KNL1: variants seen among roughly 807,000 people sequenced by gnomAD.
The protein encoded by KNL1 is outer kinetochore KNL1 complex subunit KNL1.
KNL1 carries 66 observed loss-of-function variants against 201.3 expected under a neutral mutation model. The ratio of observed to expected loss-of-function variants is 0.33; its 90% CI spans 0.27 to 0.40. KNL1 has a LOEUF of 0.40. Among genes scored for constraint, KNL1 ranks in the 10% least tolerant of loss-of-function variants. KNL1 has a pLI of 1.00. For missense variants in KNL1, 2,815 were observed against 2,690.5 expected, an observed-to-expected ratio of 1.05 and a Z score of -1.02; for synonymous variants, 895 against 899.2, an observed-to-expected ratio of 1.00 and a Z score of 0.08.
At chr15:40,606,833 C>T (rs1891991821) in intron 4 of KNL1, among the ~76,000 whole-genome samples, 1 of 152,146 alleles carries the variant, frequency 6.6e-6, no homozygotes, top group African/African-American at 2.4e-5. Flanking sequence ...GATCATGGCT[C>T]ACTGCAACCT....
At position 40,622,918 on chromosome 15, in the gene KNL1, G is replaced by A; in HGVS notation, c.2654G>A (p.Arg885Lys). ...TKSYTIEINH[R>K]PLLEKRDCHL... Reference sequence around the variant, plus strand: ...AGTTATACAATAGAAATAAACCATAGACCTTTATTAGAGAAACGTGATTGT... The same window carrying A: ...AGTTATACAATAGAAATAAACCATAAACCTTTATTAGAGAAACGTGATTGT... The change falls in exon 10 of 26, where the codon AGA (arginine) becomes AAA (lysine). Residue 885 changes from arginine (R) to lysine (K), a missense_variant. Coordinates refer to ENST00000399668, the MANE Select transcript of KNL1 (RefSeq NM_144508.5). The A allele has an allele frequency of 6.2e-7, 1 of 1,612,724 alleles. No individual in the cohort carries two copies. Among genetic ancestry groups the A allele is most frequent in the South Asian group, 1.1e-5 (1 of 90,982 alleles).
At chr15:40,660,317 G>GA (rs893720800) in intron 25 of KNL1, among the ~76,000 whole-genome samples, 1 of 151,966 alleles carries the variant, frequency 6.6e-6, no homozygotes, top group African/African-American at 2.4e-5. Flanking sequence ...AATCAAGAAG[G>GA]AAAAAACTCA....
Position 40,623,461 on chromosome 15 carries a change from A to T in KNL1, c.3197A>T (p.Lys1066Ile). ...CTATCAAGCAAAAGTCAGAGAAGAA[A>T]AAGCCTTAAGCTAAAAAATGACAAG... Reference protein sequence around the residue: ...EPLSSKSQRRKSLKLKNDKTI... With the variant: ...EPLSSKSQRRISLKLKNDKTI... Residue 1066 changes from lysine (K) to isoleucine (I), a missense_variant, in exon 10 of 26, where the codon AAA becomes ATA. Lys to Ile is a moderately radical substitution (Grantham distance 102, BLOSUM62 -3). Transcript: ENST00000399668. 1 of 1,611,558 alleles carries T rather than the reference A, an allele frequency of 6.2e-7. No homozygotes were observed. Among genetic ancestry groups the T allele is most frequent in the South Asian group, 1.1e-5 (1 of 90,826 alleles).
At chr15:40,618,241 C>CA (rs1892407755) in intron 8 of KNL1, among the ~76,000 whole-genome samples, 1 of 151,874 alleles carries the variant, frequency 6.6e-6, no homozygotes, top group Admixed American at 6.6e-5. Flanking sequence ...CCTAACATGA[C>CA]CTCTTGCGTT....
At chr15:40,659,893 TA>T (rs869208922) in intron 25 of KNL1, among the ~76,000 whole-genome samples, 1 of 59,582 alleles carries the variant, frequency 1.7e-5, no homozygotes, top group Non-Finnish European at 4.2e-5. Flanking sequence ...TTGAAGAATT[TA>T]TGTGTGTGTG....
In KNL1 at chr15:40,622,358, C is replaced by T. The variant is rs763785280; in HGVS notation, c.2094C>T (p.Thr698=). The T allele has an allele frequency of 6.2e-7, 1 of 1,613,696 alleles. No individual in the cohort carries two copies. The highest frequency in any genetic ancestry group is 8.5e-7 in the Non-Finnish European group (1 of 1,179,788). Residue 698 remains threonine, a synonymous_variant, in exon 10 of 26, where the codon ACC becomes ACT. Transcript: ENST00000399668. ...TVSWEQSLFS[T]TKPLFSSGQF... is the part of the protein sequence containing the mutation. ...CATGGGAACAATCTTTGTTTTCTAC[C>T]ACAAAGCCATTATTTTCATCAGGAC...
Position 40,623,147 on chromosome 15 carries a change from C to A in KNL1, c.2883C>A (p.Phe961Leu). 1 of 1,613,814 alleles carries A rather than the reference C, an allele frequency of 6.2e-7. No homozygotes were observed. The highest frequency in any genetic ancestry group is 1.6e-4 in the Middle Eastern group (1 of 6,062). Residue 961 changes from phenylalanine to leucine, a missense_variant, in exon 10 of 26, where the codon TTC (phenylalanine) becomes TTA (leucine). Transcript: ENST00000399668. ...ELEMTESHTV[F>L]IDYQEKERTD... is the part of the protein sequence containing the mutation. ...AAATGACAGAGTCCCATACTGTTTT[C>A]ATTGACTACCAAGAAAAGGAAAGAA...
intron 14 of KNL1, among the ~76,000 whole-genome samples, chr15:40,643,653 A>G (rs1381969864): frequency 6.6e-6 from 1 of 152,208 alleles, no homozygotes; most frequent in African/African-American, 2.4e-5. Flanking sequence ...CTCCGTCTCA[A>G]AAAAATAAAA....
At chr15:40,609,092 A>G (rs1342787137) in intron 5 of KNL1, among the ~76,000 whole-genome samples, 184 bp downstream of exon 5, 3 of 152,092 alleles carry the variant, frequency 2.0e-5, no homozygotes, top group Admixed American at 2.0e-4. Context: ...GAACAAAACA[A>G]TGATATCCAA....
chr15:40,613,337 C>A (rs1892234179), intron 7 of KNL1, among the ~76,000 whole-genome samples: 1 of 152,070 alleles, frequency 6.6e-6, no homozygotes, highest in Non-Finnish European at 1.5e-5. Flanking sequence ...TGCATAATAT[C>A]TCTGGAAGAA....
chr15:40,646,916 G>T, intron 16 of KNL1, 71 bp from the exon 17 acceptor site: 4 of 630,786 alleles, frequency 6.3e-6, no homozygotes, highest in Non-Finnish European at 1.2e-5. Flanking sequence ...GCGATTATGT[G>T]AGCAGTTTGA....
Position 40,645,603 on chromosome 15 carries a change from C to T in KNL1, c.5890-53C>T, listed in dbSNP as rs542196909. The T allele has an allele frequency of 3.9e-5, 37 of 939,104 alleles. No homozygotes were observed. In the South Asian group the frequency reaches 5.5e-4, roughly 14 times the overall value. 58.2% of individuals were successfully genotyped at this position (939,104 alleles called of 1,614,324 possible). A position where few individuals can be genotyped will look rare whatever the true frequency, so the allele number is the denominator to read the frequency against. ...AGCCTAGCCTTCCTAGACCATTTAC[C>T]TCTTCTGACTCGTTTGTTTTAGTAC... On this transcript the variant is annotated intron_variant, in intron 15 of 25. Coordinates refer to ENST00000399668, the MANE Select transcript of KNL1 (RefSeq NM_144508.5).
chr15:40,639,966 G>T (rs1161810051), intron 13 of KNL1, among the ~76,000 whole-genome samples: 2 of 152,136 alleles, frequency 1.3e-5, no homozygotes, highest in Non-Finnish European at 2.9e-5. Flanking sequence ...CTAGCTACTG[G>T]AGAGGATGAG....
rs372232860 is a variant in KNL1, at chr15:40,623,250, A to T, written c.2986A>T (p.Ser996Cys). 1.5e-5 allele frequency: 24 copies of T among 1,613,770 alleles called. No individual in the cohort carries two copies. The highest frequency in any genetic ancestry group is 1.7e-6 in the Non-Finnish European group (2 of 1,179,854). The change falls in exon 10 of 26, where the codon AGT (serine) becomes TGT (cysteine). Residue 996 changes from serine (S) to cysteine (C), a missense_variant. Ser to Cys is a moderately radical substitution (Grantham distance 112). This residue lies in a region of KNL1 where 2,464 missense variants were observed against 2,291.7 expected (regional missense o/e 1.08). Transcript: ENST00000399668. Reference sequence around the variant, plus strand: ...AGTGATATGTACTCCTACTGAGGAGAGTGTTTTCTTTCCAGGAAATGGTGA... The same window carrying T: ...AGTGATATGTACTCCTACTGAGGAGTGTGTTTTCTTTCCAGGAAATGGTGA... ...PTVICTPTEE[S>C]VFFPGNGESD... is the part of the protein sequence containing the mutation.
chr15:40,610,185 A>G, intron 5 of KNL1, 60 bp from the exon 6 acceptor site: 1 of 927,526 alleles, frequency 1.1e-6, no homozygotes, highest in South Asian at 1.4e-5. Flanking sequence ...CTATAAATCA[A>G]CACCAAAAGA....
chr15:40,625,812 AC>A (rs943864714), intron 10 of KNL1, 172 bp downstream of exon 10: 9 of 562,002 alleles, frequency 1.6e-5, no homozygotes, highest in Non-Finnish European at 6.3e-6. Context: ...AAATTAATTG[AC>A]TAACAGCTAG....
intron 9 of KNL1, among the ~76,000 whole-genome samples, chr15:40,620,216 A>ATTTTT (rs11458507): frequency 6.7e-6 from 1 of 148,502 alleles, no homozygotes; most frequent in African/African-American, 2.5e-5. Flanking sequence ...GCCTAGAATA[A>ATTTTT]TTTTTTTTTT....
chr15:40,646,147 C>G (rs946522900), intron 16 of KNL1, among the ~76,000 whole-genome samples: 48 of 152,094 alleles, frequency 3.2e-4, no homozygotes, highest in Non-Finnish European at 2.1e-4. Flanking sequence ...AAATGATTAG[C>G]TTTTTTAAAA....
At chr15:40,613,976 T>C (rs1319811605) in intron 7 of KNL1, among the ~76,000 whole-genome samples, 1 of 151,428 alleles carries the variant, frequency 6.6e-6, no homozygotes, top group Non-Finnish European at 1.5e-5. Context: ...TTTTTTGTAT[T>C]TTTAGTAGAG....
Sources: gnomAD v4.1 joint callset for allele counts (sites outside exome capture counted in the v4.1 genomes callset) on GRCh38, gnomAD v4.1.1 for gene constraint, gnomAD v4.1.1 regional missense constraint, MANE v1.5 for transcripts, NCBI Gene and HGNC (gene_info 2026-07-23, HGNC 2026-07-21) for gene names.